Variants in MYT1L observed in about 807,000 individuals in gnomAD.
MYT1L encodes the protein myelin transcription factor 1-like protein.
Under a neutral mutation model 126.7 loss-of-function variants are expected in MYT1L, and 12 were observed. The observed-to-expected ratio is 0.09, with a 90% CI of 0.06 to 0.15. MYT1L has a LOEUF of 0.15. MYT1L is among the 10% of genes least tolerant of loss of function. The pLI is 1.00. For missense variants in MYT1L, 979 were observed against 1,585.2 expected, an observed-to-expected ratio of 0.62 and a Z score of 6.49; for synonymous variants, 541 against 604.2, an observed-to-expected ratio of 0.90 and a Z score of 1.53.
intron 3 of MYT1L, among the ~76,000 whole-genome samples, chr2:2,061,959 C>G (rs535811286): frequency 6.6e-6 from 1 of 151,980 alleles, no homozygotes; most frequent in Non-Finnish European, 1.5e-5. Context: ...ACGCTTCTAG[C>G]CATTTCTTTT....
chr2:2,129,015 G>A (rs1201433986), intron 3 of MYT1L, among the ~76,000 whole-genome samples: 4 of 152,208 alleles, frequency 2.6e-5, no homozygotes, highest in African/African-American at 4.8e-5. Flanking sequence ...TGAATACAGT[G>A]GTTGGAGACA....
chr2:2,117,461 G>A (rs889020120), intron 3 of MYT1L, among the ~76,000 whole-genome samples: 7 of 152,126 alleles, frequency 4.6e-5, no homozygotes, highest in Non-Finnish European at 4.4e-5. Flanking sequence ...TCAGCAGGCG[G>A]ACCGCCGTGT....
intron 9 of MYT1L, among the ~76,000 whole-genome samples, chr2:1,931,071 T>G: frequency 6.6e-6 from 1 of 152,280 alleles, no homozygotes. Flanking sequence ...ACACCCTGCA[T>G]GTGGGAAAAT....
chr2:2,217,962 T>C (rs2093741234), intron 2 of MYT1L, among the ~76,000 whole-genome samples: 1 of 152,042 alleles, frequency 6.6e-6, no homozygotes. Flanking sequence ...AATAAACACA[T>C]GAAAAGATGC....
At chr2:1,904,665 C>G (rs981304004) in intron 13 of MYT1L, among the ~76,000 whole-genome samples, 3 of 152,094 alleles carry the variant, frequency 2.0e-5, no homozygotes, top group African/African-American at 7.2e-5. Flanking sequence ...GCCACCACGC[C>G]TGGCCATAGA....
At chr2:1,959,803 T>G (rs1423144974) in intron 8 of MYT1L, among the ~76,000 whole-genome samples, 1 of 152,208 alleles carries the variant, frequency 6.6e-6, no homozygotes, top group Non-Finnish European at 1.5e-5. Context: ...CTGTCCACAG[T>G]GCAGCCACAT....
At chr2:2,171,725 A>C (rs2090085216) in intron 3 of MYT1L, among the ~76,000 whole-genome samples, 1 of 152,136 alleles carries the variant, frequency 6.6e-6, no homozygotes, top group Non-Finnish European at 1.5e-5. Flanking sequence ...TTCAGGGAAA[A>C]TGAATAGGGT....
intron 2 of MYT1L, among the ~76,000 whole-genome samples, chr2:2,186,466 C>T (rs1452425505): frequency 6.6e-6 from 1 of 152,234 alleles, no homozygotes; most frequent in Non-Finnish European, 1.5e-5. Flanking sequence ...CCTCGATGAA[C>T]AGATAATAGG....
chr2:2,157,144 C>G (rs565849416), intron 3 of MYT1L, among the ~76,000 whole-genome samples: 1 of 152,136 alleles, frequency 6.6e-6, no homozygotes, highest in Non-Finnish European at 1.5e-5. Flanking sequence ...ATAAAACAAT[C>G]AAGCAGATCA....
At chr2:2,142,342 A>G (rs1161930039) in intron 3 of MYT1L, among the ~76,000 whole-genome samples, 2 of 152,114 alleles carry the variant, frequency 1.3e-5, no homozygotes, top group Non-Finnish European at 2.9e-5. Context: ...CATCCTTTAC[A>G]TTAATTTTCT....
At chr2:1,996,841 G>A (rs1281596893) in intron 5 of MYT1L, among the ~76,000 whole-genome samples, 1 of 141,272 alleles carries the variant, frequency 7.1e-6, no homozygotes, top group Non-Finnish European at 1.5e-5. Flanking sequence ...GAGTGTAGAC[G>A]GGCCGCCTTT....
chr2:1,993,398 G>C (rs570851483), intron 5 of MYT1L, among the ~76,000 whole-genome samples: 1 of 152,126 alleles, frequency 6.6e-6, no homozygotes, highest in Non-Finnish European at 1.5e-5. Flanking sequence ...TGAATACACA[G>C]AGCAGGCTCT....
chr2:2,072,330 T>G (rs1440005184), intron 3 of MYT1L, among the ~76,000 whole-genome samples: 3 of 152,222 alleles, frequency 2.0e-5, no homozygotes, highest in Non-Finnish European at 4.4e-5. Flanking sequence ...GCTGAGCACT[T>G]CAATGAATTT....
At chr2:1,952,578 C>A (rs2057857844) in intron 8 of MYT1L, among the ~76,000 whole-genome samples, 1 of 151,636 alleles carries the variant, frequency 6.6e-6, no homozygotes, top group African/African-American at 2.4e-5. Flanking sequence ...GTTCCCAATT[C>A]CCAAGTGTGC....
chr2:1,871,140 A>G (rs1210697158), intron 18 of MYT1L, among the ~76,000 whole-genome samples: 3 of 152,252 alleles, frequency 2.0e-5, no homozygotes, highest in Non-Finnish European at 2.9e-5. Flanking sequence ...CCTGGTTTCC[A>G]GAGTCTGCTA....
intron 9 of MYT1L, among the ~76,000 whole-genome samples, chr2:1,936,910 T>A (rs539294191): frequency 6.6e-6 from 1 of 152,216 alleles, no homozygotes; most frequent in Non-Finnish European, 1.5e-5. Context: ...TAGCACCTCA[T>A]CCTGTTTGAA....
At chr2:2,245,578 A>C (rs1050182304) in intron 2 of MYT1L, among the ~76,000 whole-genome samples, 1 of 151,954 alleles carries the variant, frequency 6.6e-6, no homozygotes, top group African/African-American at 2.4e-5. Flanking sequence ...ACAATCACTT[A>C]GCAGTTTCCG....
chr2:1,811,741 G>A lies in MYT1L; in HGVS notation c.3081-2574C>T, dbSNP rs1267371813. Among the ~76,000 whole-genome samples the A allele has an allele frequency of 2.6e-5, 4 of 152,110 alleles. No homozygotes were observed. The highest frequency in any genetic ancestry group is 4.8e-5 in the African/African-American group (2 of 41,420). On this transcript the variant is annotated intron_variant, in intron 21 of 24. Coordinates refer to ENST00000647738, the MANE Select transcript of MYT1L (RefSeq NM_001303052.2). The surrounding 1 kb of genome is among the most constrained non-coding windows in gnomAD (Gnocchi z 4.4). ...GCTGTCTTTAGTGTGGGGCGTGAAC[G>A]AACCCCTCGCGTTCCGGAGGGAACA... is the stretch of plus-strand genomic sequence containing the variant.
At position 2,243,234 on chromosome 2, in the gene MYT1L, A is replaced by G. The variant is rs112814248; in HGVS notation, c.-421+41170T>C. ...ATTACAGTTTCCTCAACAACAAGTT[A>G]AAATCAAGGTTTGGACAGGCATGTC... On this transcript the variant is annotated intron_variant, in intron 2 of 24. Transcript: ENST00000647738. Among the ~76,000 whole-genome samples the G allele has an allele frequency of 2.0e-5, 3 of 152,370 alleles. 1 individual carries two copies. Among genetic ancestry groups the G allele is most frequent in the African/African-American group, 4.8e-5 (2 of 41,592 alleles).
Sources: allele counts gnomAD v4.1 joint callset (sites outside exome capture counted in the v4.1 genomes callset), GRCh38; gene constraint gnomAD v4.1.1; non-coding constraint Gnocchi (gnomAD v3.1); transcripts MANE v1.5; gene names NCBI Gene and HGNC (gene_info 2026-07-23, HGNC 2026-07-21).